Variants in NALCN observed in about 807,000 individuals in gnomAD.
NALCN encodes the protein sodium leak channel, non-selective.
Under a neutral mutation model 225.3 loss-of-function variants are expected in NALCN, and 111 were observed. That is an observed-to-expected ratio of 0.49 (90% confidence interval 0.42 to 0.58). The LOEUF is 0.58. NALCN is among the 20% of genes least tolerant of loss of function. The pLI, the probability that NALCN is intolerant of heterozygous loss-of-function variation, is 0.00. For synonymous variants in NALCN, 764 were observed against 769.0 expected (o/e 0.99, Z 0.11); for missense variants, 1,378 against 2,202.4 (o/e 0.63, Z 7.49).
At chr13:101,098,412 C>G (rs1343590521) in intron 27 of NALCN, among the ~76,000 whole-genome samples, 1 of 152,146 alleles carries the variant, frequency 6.6e-6, no homozygotes, top group Non-Finnish European at 1.5e-5. Context: ...TTGGACACAA[C>G]TGACATTTAA....
At chr13:101,384,999 T>C (rs2046948250) in intron 3 of NALCN, among the ~76,000 whole-genome samples, 1 of 152,224 alleles carries the variant, frequency 6.6e-6, no homozygotes, top group Non-Finnish European at 1.5e-5. Context: ...GAGTGAACTA[T>C]TCAAACACAA....
chr13:101,097,796 G>T (rs1042167000), intron 27 of NALCN, among the ~76,000 whole-genome samples: 3 of 152,064 alleles, frequency 2.0e-5, no homozygotes, highest in African/African-American at 4.8e-5. Flanking sequence ...AGGCACTTGA[G>T]GATCTCTCCC....
chr13:101,135,322 C>T (rs2036729835), intron 17 of NALCN, among the ~76,000 whole-genome samples: 1 of 152,216 alleles, frequency 6.6e-6, no homozygotes, highest in Non-Finnish European at 1.5e-5. Flanking sequence ...TCTGCAGAGA[C>T]AAAAGAAGGT....
At chr13:101,218,373 G>A (rs758026461) in intron 13 of NALCN, among the ~76,000 whole-genome samples, 7 of 152,096 alleles carry the variant, frequency 4.6e-5, no homozygotes, top group African/African-American at 7.2e-5. Context: ...TAAAATTAAG[G>A]TGTTAGCAGG....
At chr13:101,130,127 G>A (rs1043224747) in intron 17 of NALCN, among the ~76,000 whole-genome samples, 9 of 152,020 alleles carry the variant, frequency 5.9e-5, no homozygotes, top group Admixed American at 5.2e-4. Context: ...TTTTACCTAA[G>A]CTTTTCTATA....
chr13:101,282,298 GA>G (rs2043192824), intron 10 of NALCN, among the ~76,000 whole-genome samples: 2 of 151,980 alleles, frequency 1.3e-5, no homozygotes, highest in Non-Finnish European at 2.9e-5. Context: ...ATGTGGTATA[GA>G]CATACAATGA....
rs1205198244 is a variant in NALCN, at chr13:101,241,972, A to T, written c.1267-4050T>A. On this transcript the variant is annotated intron_variant, in intron 11 of 43. Transcript: ENST00000251127. Reference sequence around the variant, plus strand: ...CAGGGCAGCCACTGCCTTGGGGCCCACCTGGTATTCTGGACTCACGTCACA... The same window carrying T: ...CAGGGCAGCCACTGCCTTGGGGCCCTCCTGGTATTCTGGACTCACGTCACA... 4.7e-5 allele frequency among the ~76,000 whole-genome samples: 5 copies of T among 105,722 alleles called. 1 individual carries two copies. The highest frequency in any genetic ancestry group is 1.1e-4 in the Non-Finnish European group (5 of 47,306). 69.4% of individuals were successfully genotyped at this position (105,722 alleles called of 152,430 possible).
intron 6 of NALCN, among the ~76,000 whole-genome samples, chr13:101,354,053 A>T (rs553207345): frequency 1.3e-5 from 2 of 152,304 alleles, no homozygotes; most frequent in South Asian, 4.1e-4. Flanking sequence ...AAATAATATC[A>T]GAAAAGTTGG....
chr13:101,254,518 C>T (rs1245430669), intron 11 of NALCN, among the ~76,000 whole-genome samples: 3 of 151,918 alleles, frequency 2.0e-5, no homozygotes, highest in African/African-American at 7.3e-5. Flanking sequence ...TCACCACTAC[C>T]TAGTTTATTT....
At chr13:101,129,229 T>C (rs937964452) in intron 17 of NALCN, among the ~76,000 whole-genome samples, 1 of 152,214 alleles carries the variant, frequency 6.6e-6, no homozygotes, top group Non-Finnish European at 1.5e-5. Context: ...CCAAGATAAA[T>C]GCTTGATTAT....
chr13:101,243,296 A>C lies in NALCN; in HGVS notation c.1267-5374T>G, dbSNP rs1490997084. On this transcript the variant is annotated intron_variant, in intron 11 of 43. Coordinates refer to ENST00000251127, the MANE Select transcript of NALCN (RefSeq NM_052867.4). ...CTCCCATATTAAAAACTAGCTCTCAAGGACTATGCCCTTTTTTAACTCATT... is the reference window on the plus strand; with the variant it reads ...CTCCCATATTAAAAACTAGCTCTCACGGACTATGCCCTTTTTTAACTCATT... 2.9e-5 allele frequency among the ~76,000 whole-genome samples: 3 copies of C among 103,814 alleles called. 1 individual carries two copies. The highest frequency in any genetic ancestry group is 4.3e-5 in the Non-Finnish European group (2 of 46,978). 68.1% of individuals were successfully genotyped at this position (103,814 alleles called of 152,430 possible).
Position 101,294,031 on chromosome 13 carries a change from A to G in NALCN, c.800-1665T>C, listed in dbSNP as rs564647218. ...TGGCGAAGTGGGGATGAGGGCAGAT[A>G]TTATCAATACCATCTTACAGAAAAG... On this transcript the variant is annotated intron_variant, in intron 7 of 43. Coordinates refer to ENST00000251127, the MANE Select transcript of NALCN (RefSeq NM_052867.4). 1.2e-4 allele frequency among the ~76,000 whole-genome samples: 18 copies of G among 152,200 alleles called. 1 individual carries two copies. Among genetic ancestry groups the G allele is most frequent in the Non-Finnish European group, 2.4e-4 (16 of 68,028 alleles).
At chr13:101,396,791 A>C (rs2047305610) in intron 2 of NALCN, among the ~76,000 whole-genome samples, 1 of 152,044 alleles carries the variant, frequency 6.6e-6, no homozygotes, top group African/African-American at 2.4e-5. Context: ...TTTTAGTTTA[A>C]AGACATAATT....
chr13:101,324,827 T>C (rs2044884738), intron 7 of NALCN, among the ~76,000 whole-genome samples: 1 of 152,170 alleles, frequency 6.6e-6, no homozygotes, highest in South Asian at 2.1e-4. Flanking sequence ...ATAGGAGTGG[T>C]GAGGGAGGCC....
At chr13:101,296,203 G>A (rs147441027) in intron 7 of NALCN, among the ~76,000 whole-genome samples, 23 of 152,262 alleles carry the variant, frequency 1.5e-4, no homozygotes, top group African/African-American at 5.3e-4. Flanking sequence ...GTAGGTGTGA[G>A]CACTCTAAAG....
chr13:101,183,644 GAC>G (rs768863773), intron 14 of NALCN, among the ~76,000 whole-genome samples: 1 of 152,044 alleles, frequency 6.6e-6, no homozygotes, highest in Non-Finnish European at 1.5e-5. Context: ...GTGTTTAGTA[GAC>G]ACAGGGTTTT....
At chr13:101,081,016 C>T (rs1267614669) in intron 34 of NALCN, among the ~76,000 whole-genome samples, 2 of 152,010 alleles carry the variant, frequency 1.3e-5, no homozygotes, top group Non-Finnish European at 2.9e-5. Context: ...GAATCATATG[C>T]TTTAGAGAAG....
intron 15 of NALCN, among the ~76,000 whole-genome samples, chr13:101,145,295 T>TA (rs2037293542): frequency 6.6e-6 from 1 of 152,102 alleles, no homozygotes; most frequent in Non-Finnish European, 1.5e-5. Flanking sequence ...CATGAAAAAT[T>TA]TAAAAAAAAT....
intron 4 of NALCN, 114 bp downstream of exon 4, chr13:101,378,456 A>G: frequency 1.4e-6 from 1 of 703,614 alleles, no homozygotes; most frequent in South Asian, 2.5e-5. Flanking sequence ...TGTTGTAGGC[A>G]ATTACACAAT....
Sources: gnomAD v4.1 joint callset for allele counts (sites outside exome capture counted in the v4.1 genomes callset) on GRCh38, gnomAD v4.1.1 for gene constraint, MANE v1.5 for transcripts, NCBI Gene and HGNC (gene_info 2026-07-23, HGNC 2026-07-21) for gene names.